REDIC1: variants seen among roughly 807,000 people sequenced by gnomAD.
REDIC1 encodes HEI10 Interacting Protein 1.
the REDIC1 span, among the ~76,000 whole-genome samples, chr12:39,686,261 G>A: frequency 6.6e-6 from 1 of 152,222 alleles, no homozygotes; most frequent in African/African-American, 2.4e-5. Flanking sequence ...GGTTATCCAT[G>A]ATAGTTCCAC....
At chr12:39,773,285 T>G in the REDIC1 span, among the ~76,000 whole-genome samples, 1 of 152,114 alleles carries the variant, frequency 6.6e-6, no homozygotes, top group Non-Finnish European at 1.5e-5. Context: ...TCAGGTGAAA[T>G]ATGTCTCATT....
chr12:39,905,112 T>C, the REDIC1 span, among the ~76,000 whole-genome samples: 2 of 152,150 alleles, frequency 1.3e-5, no homozygotes, highest in African/African-American at 4.8e-5. Flanking sequence ...TGAACAATTT[T>C]AAAATCAGAA....
At chr12:39,907,408 A>T in the REDIC1 span, among the ~76,000 whole-genome samples, 1 of 152,152 alleles carries the variant, frequency 6.6e-6, no homozygotes, top group Non-Finnish European at 1.5e-5. Context: ...TCCATAATTT[A>T]TAAGACTCCA....
the REDIC1 span, among the ~76,000 whole-genome samples, chr12:39,744,068 A>G: frequency 6.6e-6 from 1 of 152,180 alleles, no homozygotes; most frequent in Non-Finnish European, 1.5e-5. Flanking sequence ...ATACAGAAAA[A>G]TCACACATAA....
At chr12:39,712,725 G>A in the REDIC1 span, among the ~76,000 whole-genome samples, 1 of 24,926 alleles carries the variant, frequency 4.0e-5, no homozygotes, top group African/African-American at 3.2e-4. Flanking sequence ...ACGTATACGT[G>A]TATATATGTA....
At chr12:39,701,391 C>T in the REDIC1 span, among the ~76,000 whole-genome samples, 326 of 152,260 alleles carry the variant, frequency 2.1e-3, 1 homozygote, top group African/African-American at 7.5e-3. Flanking sequence ...AGCTAACTAT[C>T]CTAAATATAT....
At chr12:39,838,419 C>G in the REDIC1 span, among the ~76,000 whole-genome samples, 3 of 145,472 alleles carry the variant, frequency 2.1e-5, no homozygotes, top group Admixed American at 6.9e-5. Context: ...TGCAGCGCAC[C>G]AGCATGGCAC....
chr12:39,632,693 C>G, the REDIC1 span, among the ~76,000 whole-genome samples: 1 of 152,106 alleles, frequency 6.6e-6, no homozygotes, highest in Non-Finnish European at 1.5e-5. Flanking sequence ...GGGGTCTAGT[C>G]TACTACACAC....
the REDIC1 span, among the ~76,000 whole-genome samples, chr12:39,705,063 A>T: frequency 6.6e-6 from 1 of 151,920 alleles, no homozygotes; most frequent in African/African-American, 2.4e-5. Context: ...CCTAAAACTT[A>T]AAGTATAATA....
At chr12:39,828,223 C>T in the REDIC1 span, among the ~76,000 whole-genome samples, 30 of 152,180 alleles carry the variant, frequency 2.0e-4, no homozygotes, top group African/African-American at 5.3e-4. Flanking sequence ...GAAGGAGCAC[C>T]GTTGCTCAGC....
At chr12:39,750,593 C>T in the REDIC1 span, among the ~76,000 whole-genome samples, 5 of 152,226 alleles carry the variant, frequency 3.3e-5, no homozygotes, top group East Asian at 3.9e-4. Flanking sequence ...AAAAAGAGCC[C>T]GCATTGCCAA....
At chr12:39,712,714 GACGTAT>G in the REDIC1 span, among the ~76,000 whole-genome samples, 1 of 33,086 alleles carries the variant, frequency 3.0e-5, no homozygotes, top group Non-Finnish European at 6.3e-5. Flanking sequence ...TATGTATATA[GACGTAT>G]ACGTGTATAT....
At chr12:39,702,889 C>A in the REDIC1 span, among the ~76,000 whole-genome samples, 1 of 152,190 alleles carries the variant, frequency 6.6e-6, no homozygotes, top group Non-Finnish European at 1.5e-5. Flanking sequence ...CAACAACCTT[C>A]ATGCTAAAAA....
At chr12:39,864,078 C>A in the REDIC1 span, among the ~76,000 whole-genome samples, 1 of 152,306 alleles carries the variant, frequency 6.6e-6, no homozygotes, top group Non-Finnish European at 1.5e-5. Context: ...AGCTCTGCTG[C>A]CAAATATATT....
At chr12:39,873,191 A>G in the REDIC1 span, among the ~76,000 whole-genome samples, 1 of 152,322 alleles carries the variant, frequency 6.6e-6, no homozygotes, top group East Asian at 1.9e-4. Flanking sequence ...ACTATGTAGC[A>G]TGAAGGATGT....
At chr12:39,807,937 T>C in the REDIC1 span, among the ~76,000 whole-genome samples, 1 of 152,208 alleles carries the variant, frequency 6.6e-6, no homozygotes, top group Non-Finnish European at 1.5e-5. Context: ...TTTTGTATGC[T>C]ATAATTCTTG....
At chr12:39,846,658 C>T in the REDIC1 span, among the ~76,000 whole-genome samples, 1 of 152,062 alleles carries the variant, frequency 6.6e-6, no homozygotes, top group South Asian at 2.1e-4. Flanking sequence ...TGCCACGTTG[C>T]CCAGGCTGCT....
At chr12:39,833,944 C>T in the REDIC1 span, among the ~76,000 whole-genome samples, 3 of 150,804 alleles carry the variant, frequency 2.0e-5, no homozygotes, top group African/African-American at 4.9e-5. Context: ...GAAAGTAGGT[C>T]GTAAGACCCT....
the REDIC1 span, among the ~76,000 whole-genome samples, chr12:39,701,636 A>AT: frequency 4.6e-5 from 7 of 152,188 alleles, no homozygotes; most frequent in Non-Finnish European, 7.4e-5. Flanking sequence ...CACAATATAC[A>AT]TTTTTTTCAG....
Sources: gnomAD v4.1 joint callset for allele counts (sites outside exome capture counted in the v4.1 genomes callset) on GRCh38, gnomAD v4.1.1 for gene constraint, MANE v1.5 for transcripts, NCBI Gene and HGNC (gene_info 2026-07-23, HGNC 2026-07-21) for gene names.